TRAF3IP3: variants seen among roughly 807,000 people sequenced by gnomAD.
TRAF3IP3 encodes the protein TRAF3-interacting JNK-activating modulator.
A neutral mutation model predicts 86.5 loss-of-function variants in TRAF3IP3; 64 were observed. The observed-to-expected ratio is 0.74, with a 90% CI of 0.60 to 0.91. TRAF3IP3 has a LOEUF of 0.91. TRAF3IP3 is among the 40% of genes least tolerant of loss of function. The pLI, the probability that TRAF3IP3 is intolerant of heterozygous loss-of-function variation, is 0.00. For missense variants in TRAF3IP3, 579 were observed against 642.9 expected, an observed-to-expected ratio of 0.90 and a Z score of 1.07; for synonymous variants, 220 against 243.9, an observed-to-expected ratio of 0.90 and a Z score of 0.91.
At chr1:209,773,072 G>A in intron 9 of TRAF3IP3, 53 bp downstream of exon 9, 1 of 1,469,078 alleles carries the variant, frequency 6.8e-7, no homozygotes, top group Non-Finnish European at 9.3e-7. Flanking sequence ...TAAATGAGAA[G>A]AATGTTTTTG....
intron 8 of TRAF3IP3, among the ~76,000 whole-genome samples, 195 bp from the exon 9 acceptor site, chr1:209,772,753 G>T (rs2102492485): frequency 6.6e-6 from 1 of 151,690 alleles, no homozygotes; most frequent in African/African-American, 2.4e-5. Context: ...ATTCTTTCTT[G>T]TCCTAGTCCA....
chr1:209,766,325 T>C (rs2077356301), intron 8 of TRAF3IP3, among the ~76,000 whole-genome samples: 1 of 152,214 alleles, frequency 6.6e-6, no homozygotes, highest in African/African-American at 2.4e-5. Context: ...ATCATCTCAC[T>C]CATTTGTTTG....
chr1:209,774,051 A>C (rs1316555454), intron 9 of TRAF3IP3, among the ~76,000 whole-genome samples: 1 of 152,186 alleles, frequency 6.6e-6, no homozygotes, highest in Non-Finnish European at 1.5e-5. Flanking sequence ...ATGATTTCAT[A>C]TTGATCCCTA....
chr1:209,768,019 A>G, intron 8 of TRAF3IP3: 1 of 585,886 alleles, frequency 1.7e-6, no homozygotes, highest in Non-Finnish European at 2.1e-6. Flanking sequence ...TTTTAAAGAA[A>G]AACAGTCTCA....
At chr1:209,765,212 A>AGAGAGAGAGAGAGAGAGAGAGG (rs2077324058) in intron 8 of TRAF3IP3, among the ~76,000 whole-genome samples, 3 of 124,364 alleles carry the variant, frequency 2.4e-5, no homozygotes, top group East Asian at 4.8e-4. Context: ...AGAGAGAGAG[A>AGAGAGAGAGAGAGAGAGAGAGG]GGGAGAGAGA....
At chr1:209,763,935 C>T (rs1161116634) in intron 8 of TRAF3IP3, among the ~76,000 whole-genome samples, 2 of 152,140 alleles carry the variant, frequency 1.3e-5, no homozygotes, top group Non-Finnish European at 2.9e-5. Flanking sequence ...ATATGGGATT[C>T]CCACTGATAT....
intron 1 of TRAF3IP3, chr1:209,758,669 C>T (rs1280716843): frequency 1.3e-5 from 2 of 152,188 alleles, no homozygotes; most frequent in Non-Finnish European, 2.9e-5. Flanking sequence ...GTAATGAGGT[C>T]GTGGGAGGAA....
intron 5 of TRAF3IP3, 86 bp downstream of exon 5, chr1:209,762,956 G>A (rs746101871): frequency 9.1e-5 from 146 of 1,603,200 alleles, no homozygotes; most frequent in Non-Finnish European, 1.2e-4. Flanking sequence ...CCTTAATTAA[G>A]AAAGAGGAAG....
intron 9 of TRAF3IP3, among the ~76,000 whole-genome samples, chr1:209,774,818 G>A (rs2077618709): frequency 6.6e-6 from 1 of 152,170 alleles, no homozygotes; most frequent in African/African-American, 2.4e-5. Context: ...TTTGAAGAAA[G>A]GGAGGCTGTT....
intron 13 of TRAF3IP3, 63 bp downstream of exon 13, chr1:209,778,236 G>C (rs771862033): frequency 7.3e-5 from 104 of 1,428,408 alleles, no homozygotes; most frequent in Non-Finnish European, 9.8e-5. Flanking sequence ...GCCCACAAAA[G>C]GCACCCAGAG....
At position 209,773,034 on chromosome 1, in the gene TRAF3IP3, G is replaced by A. The variant is rs774114127; in HGVS notation, c.774+15G>A. 9 of 1,583,926 alleles carry A rather than the reference G, an allele frequency of 5.7e-6. No homozygotes were observed. Among genetic ancestry groups the A allele is most frequent in the Non-Finnish European group, 7.7e-6 (9 of 1,166,320 alleles). On this transcript the variant is annotated intron_variant, in intron 9 of 16. Transcript: ENST00000367025. ...CCTGTACCCAGGTAAGCATTCTGAA[G>A]GATACTTCCATCTCAGGAATCTAGA...
In TRAF3IP3 at chr1:209,765,286, GAAGAAATT is replaced by G. The variant is rs1192288476; in HGVS notation, c.702+1704_702+1711del. 1.1e-3 allele frequency among the ~76,000 whole-genome samples: 98 copies of G among 86,418 alleles called. 1 individual carries two copies. The highest frequency in any genetic ancestry group is 3.6e-3 in the African/African-American group (85 of 23,796). 56.7% of individuals were successfully genotyped at this position (86,418 alleles called of 152,430 possible). On this transcript the variant is annotated intron_variant, in intron 8 of 16. Transcript: ENST00000367025. ...GGAAGGAAGGAAGGAAGGAAGGAAG[GAAGAAATT>G]AAGATAGAAATTGAGAAAGAATTAT...
At chr1:209,761,726 A>G (rs1571912190) in intron 3 of TRAF3IP3, among the ~76,000 whole-genome samples, 1 of 152,260 alleles carries the variant, frequency 6.6e-6, no homozygotes, top group Admixed American at 6.5e-5. Flanking sequence ...TGGATTATCT[A>G]TTCCAAACTC....
chr1:209,761,542 G>A (rs2077244862), intron 3 of TRAF3IP3, among the ~76,000 whole-genome samples: 1 of 152,162 alleles, frequency 6.6e-6, no homozygotes, highest in Non-Finnish European at 1.5e-5. Context: ...AATAGGAGAT[G>A]CTGTTCAGAG....
In TRAF3IP3 at chr1:209,770,919, A is replaced by AAGGTGTGCGTGTGCAGGTGG. The variant is rs1558019810; in HGVS notation, c.703-2013_703-1994dup. Among the ~76,000 whole-genome samples the AAGGTGTGCGTGTGCAGGTGG allele has an allele frequency of 2.4e-3, 98 of 41,168 alleles. 1 individual carries two copies. Among genetic ancestry groups the AAGGTGTGCGTGTGCAGGTGG allele is most frequent in the Non-Finnish European group, 3.8e-3 (82 of 21,336 alleles). The allele number at this position is 41,168 out of a possible 152,430, so 27.0% of individuals were successfully genotyped here. A position where few individuals can be genotyped will look rare whatever the true frequency, so the allele number is the denominator to read the frequency against. On this transcript the variant is annotated intron_variant, in intron 8 of 16. Transcript: ENST00000367025. The stretch of plus-strand genomic sequence containing the variant: ...AGGTGAAGGTGTGCGTGTGCAGGTG[A>AAGGTGTGCGTGTGCAGGTGG]AGGTGTGCGTGTGCAGGTGGAGGTG...
chr1:209,770,644 C>G (rs1324234262), intron 8 of TRAF3IP3, among the ~76,000 whole-genome samples: 1 of 91,718 alleles, frequency 1.1e-5, no homozygotes, highest in Non-Finnish European at 2.1e-5. Flanking sequence ...GGTGGAGGTG[C>G]ACATGTGCAT....
chr1:209,770,215 C>T (rs2077437476), intron 8 of TRAF3IP3, among the ~76,000 whole-genome samples: 1 of 152,222 alleles, frequency 6.6e-6, no homozygotes, highest in African/African-American at 2.4e-5. Context: ...CCTTACACCC[C>T]CTGCCGCCCT....
At chr1:209,778,459 G>T in intron 13 of TRAF3IP3, 1 of 393,774 alleles carries the variant, frequency 2.5e-6, no homozygotes, top group South Asian at 5.9e-5. Flanking sequence ...TCCTAAAGCA[G>T]TTCTTATTTT....
chr1:209,781,666 G>T, intron 16 of TRAF3IP3: 1 of 509,680 alleles, frequency 2.0e-6, no homozygotes, highest in Middle Eastern at 5.2e-4. Flanking sequence ...AACTCTCAAT[G>T]CCAGAAGGAA....
Sources: allele counts gnomAD v4.1 joint callset (sites outside exome capture counted in the v4.1 genomes callset), GRCh38; gene constraint gnomAD v4.1.1; transcripts MANE v1.5; gene names NCBI Gene and HGNC (gene_info 2026-07-23, HGNC 2026-07-21).